Variants in ARID5B observed in about 807,000 individuals in gnomAD.
ARID5B encodes AT-rich interactive domain-containing protein 5B.
A neutral mutation model predicts 97.2 loss-of-function variants in ARID5B; 13 were observed. The observed-to-expected ratio is 0.13, with a 90% CI of 0.09 to 0.21. ARID5B has a LOEUF of 0.21. Among genes scored for constraint, ARID5B ranks in the 10% least tolerant of loss-of-function variants. ARID5B has a pLI of 1.00. For synonymous variants in ARID5B, 556 were observed against 570.3 expected (o/e 0.97, Z 0.36); for missense variants, 1,210 against 1,465.3 (o/e 0.83, Z 2.84).
At chr10:61,966,198 A>G (rs1838542864) in intron 3 of ARID5B, among the ~76,000 whole-genome samples, 1 of 152,174 alleles carries the variant, frequency 6.6e-6, no homozygotes, top group Admixed American at 6.6e-5. Context: ...TGATTTCACA[A>G]CAGCTTTTGG....
intron 4 of ARID5B, among the ~76,000 whole-genome samples, chr10:62,007,580 A>T (rs1344777330): frequency 2.0e-5 from 3 of 152,164 alleles, no homozygotes; most frequent in Non-Finnish European, 4.4e-5. Flanking sequence ...AAGCACTTAG[A>T]TGGTCCATGT....
In ARID5B at chr10:62,065,440, G is replaced by T. The variant is rs1431693183; in HGVS notation, c.1102-4260G>T. Among the ~76,000 whole-genome samples, 4 of 152,120 alleles carry T rather than the reference G, an allele frequency of 2.6e-5. No homozygotes were observed. The East Asian group carries it at 5.8e-4, about 22-fold the overall frequency. On this transcript the variant is annotated intron_variant, in intron 7 of 9. Coordinates refer to ENST00000279873, the MANE Select transcript of ARID5B (RefSeq NM_032199.3). ...TGCACAGGCATAGTGCCCGAAAATG[G>T]TAAGCATTGGTGGATGGTGATGTGA...
intron 3 of ARID5B, among the ~76,000 whole-genome samples, chr10:61,958,976 A>T (rs1838432702): frequency 6.6e-6 from 1 of 152,248 alleles, no homozygotes; most frequent in African/African-American, 2.4e-5. Flanking sequence ...AAGACTGTCC[A>T]GGCCTACAAA....
intron 8 of ARID5B, among the ~76,000 whole-genome samples, chr10:62,078,125 A>G (rs2132966186): frequency 6.6e-6 from 1 of 152,340 alleles, no homozygotes; most frequent in African/African-American, 2.4e-5. Flanking sequence ...CTTAAATGCA[A>G]TAGTTGTTTG....
At chr10:61,937,090 A>G (rs942358663) in intron 2 of ARID5B, among the ~76,000 whole-genome samples, 2 of 152,172 alleles carry the variant, frequency 1.3e-5, no homozygotes, top group Non-Finnish European at 2.9e-5. Context: ...GAGAAAGGTG[A>G]ACTAAATCAA....
rs533256041 is a variant in ARID5B, at chr10:61,927,392, T to C, written c.277-12791T>C. 1.4e-4 allele frequency among the ~76,000 whole-genome samples: 22 copies of C among 152,302 alleles called. No individual in the cohort carries two copies. In the South Asian group the frequency reaches 3.1e-3, roughly 22 times the overall value. Reference sequence around the variant, plus strand: ...AGGAAAATAGGCTAAAATAACACAGTAGAGCTGCACTTGAACCTCAGTCCA... The same window carrying C: ...AGGAAAATAGGCTAAAATAACACAGCAGAGCTGCACTTGAACCTCAGTCCA... On this transcript the variant is annotated intron_variant, in intron 2 of 9. Coordinates refer to ENST00000279873, the MANE Select transcript of ARID5B (RefSeq NM_032199.3).
At chr10:61,961,841 C>T (rs950511047) in intron 3 of ARID5B, among the ~76,000 whole-genome samples, 17 of 152,148 alleles carry the variant, frequency 1.1e-4, no homozygotes, top group South Asian at 6.2e-4. Flanking sequence ...TCTGCCTCCC[C>T]GGTTCAAGTG....
intron 3 of ARID5B, among the ~76,000 whole-genome samples, chr10:61,987,800 A>G (rs1838867370): frequency 6.6e-6 from 1 of 152,266 alleles, no homozygotes; most frequent in African/African-American, 2.4e-5. Context: ...TATCTGAGAG[A>G]TACCCAGAAA....
At chr10:61,991,505 C>G (rs1838925072) in intron 3 of ARID5B, among the ~76,000 whole-genome samples, 1 of 152,098 alleles carries the variant, frequency 6.6e-6, no homozygotes, top group Non-Finnish European at 1.5e-5. Flanking sequence ...AAGTCCTTTG[C>G]CATTTTTAAA....
chr10:62,072,328 G>A (rs1840076231), intron 8 of ARID5B, among the ~76,000 whole-genome samples: 1 of 152,210 alleles, frequency 6.6e-6, no homozygotes, highest in Admixed American at 6.5e-5. Context: ...TTGTGGAGTT[G>A]ACACTTATGT....
At chr10:61,975,274 C>G (rs992112019) in intron 3 of ARID5B, among the ~76,000 whole-genome samples, 15 of 152,098 alleles carry the variant, frequency 9.9e-5, no homozygotes, top group Non-Finnish European at 1.5e-5. Flanking sequence ...ATTAGCCCCT[C>G]AATATTGCAG....
At chr10:62,047,426 G>C (rs911196255) in intron 4 of ARID5B, among the ~76,000 whole-genome samples, 1 of 152,136 alleles carries the variant, frequency 6.6e-6, no homozygotes, top group Non-Finnish European at 1.5e-5. Context: ...GTAACAGTAC[G>C]TCTATTGCTT....
At chr10:62,032,118 G>A (rs1192376496) in intron 4 of ARID5B, among the ~76,000 whole-genome samples, 1 of 152,122 alleles carries the variant, frequency 6.6e-6, no homozygotes, top group African/African-American at 2.4e-5. Flanking sequence ...CTAGTGGCCA[G>A]CCAGGGCAAC....
At chr10:61,977,696 G>A (rs1838719739) in intron 3 of ARID5B, among the ~76,000 whole-genome samples, 1 of 152,134 alleles carries the variant, frequency 6.6e-6, no homozygotes, top group Admixed American at 6.5e-5. Context: ...CCCACTTTTT[G>A]ATGGGGTTGT....
chr10:61,934,570 T>C (rs28778657), intron 2 of ARID5B, among the ~76,000 whole-genome samples: 1 of 152,126 alleles, frequency 6.6e-6, no homozygotes, highest in Admixed American at 6.5e-5. Context: ...TTAAGTCTTA[T>C]GGAATAGGTA....
chr10:61,904,783 T>G (rs1258837842), intron 2 of ARID5B, among the ~76,000 whole-genome samples: 1 of 152,256 alleles, frequency 6.6e-6, no homozygotes, highest in African/African-American at 2.4e-5. Context: ...ATTGAGATAA[T>G]GACACGCCTC....
At chr10:62,042,206 TGAAAACAGGA>T (rs1839646718) in intron 4 of ARID5B, among the ~76,000 whole-genome samples, 3 of 152,100 alleles carry the variant, frequency 2.0e-5, no homozygotes, top group Non-Finnish European at 1.5e-5. Flanking sequence ...TTTCAAAAAA[TGAAAACAGGA>T]GCTATTTCAA....
intron 8 of ARID5B, among the ~76,000 whole-genome samples, chr10:62,081,460 TG>T (rs1184424542): frequency 1.3e-5 from 2 of 152,200 alleles, no homozygotes; most frequent in African/African-American, 4.8e-5. Context: ...GAGACATTAG[TG>T]GTTACTGGTT....
At chr10:61,995,111 T>A (rs187131606) in intron 3 of ARID5B, among the ~76,000 whole-genome samples, 11 of 152,120 alleles carry the variant, frequency 7.2e-5, no homozygotes, top group Admixed American at 3.3e-4. Flanking sequence ...CCAACTAGAG[T>A]GTGTTAGAAG....
Sources: allele counts gnomAD v4.1 joint callset (sites outside exome capture counted in the v4.1 genomes callset), GRCh38; gene constraint gnomAD v4.1.1; transcripts MANE v1.5; gene names NCBI Gene and HGNC (gene_info 2026-07-23, HGNC 2026-07-21).